Variants in PARD3 observed in about 807,000 individuals in gnomAD.
The protein encoded by PARD3 is par-3 family cell polarity regulator, also known as partitioning defective 3 homolog.
In PARD3, 75 loss-of-function variants were observed where a neutral mutation model predicts 155.4. The observed-to-expected ratio is 0.48, with a 90% CI of 0.40 to 0.58. The LOEUF (loss-of-function observed/expected upper bound fraction) is 0.58. PARD3 is among the 20% of genes least tolerant of loss of function. The probability of loss-of-function intolerance (pLI) is 0.00; values close to 1 mark genes in which losing one functional copy is unlikely to be tolerated. For synonymous variants in PARD3, 576 were observed against 610.5 expected, an observed-to-expected ratio of 0.94 and a Z score of 0.83; for missense variants, 1,642 against 1,721.7, an observed-to-expected ratio of 0.95 and a Z score of 0.82.
At chr10:34,615,087 A>G (rs2091164502) in intron 2 of PARD3, among the ~76,000 whole-genome samples, 1 of 152,158 alleles carries the variant, frequency 6.6e-6, no homozygotes, top group South Asian at 2.1e-4. Context: ...AGGCTGAGGC[A>G]GGAGAATGGC....
intron 19 of PARD3, among the ~76,000 whole-genome samples, chr10:34,317,698 A>G (rs1216234333): frequency 6.6e-6 from 1 of 152,206 alleles, no homozygotes; most frequent in Non-Finnish European, 1.5e-5. Context: ...CTATATTTGC[A>G]AGATGAAAAG....
intron 4 of PARD3, among the ~76,000 whole-genome samples, chr10:34,464,836 C>G (rs1016089363): frequency 7.2e-5 from 11 of 152,152 alleles, no homozygotes; most frequent in South Asian, 2.1e-4. Context: ...GAGCCATGCT[C>G]CACAGAAGTC....
At chr10:34,383,351 T>C (rs186036074) in intron 8 of PARD3, among the ~76,000 whole-genome samples, 65 of 151,866 alleles carry the variant, frequency 4.3e-4, no homozygotes, top group African/African-American at 1.5e-3. Flanking sequence ...ATATTTAGAA[T>C]ATTGGATTGG....
chr10:34,424,957 T>C (rs924616302), intron 5 of PARD3, among the ~76,000 whole-genome samples: 1 of 152,214 alleles, frequency 6.6e-6, no homozygotes, highest in Non-Finnish European at 1.5e-5. Context: ...TTCCACATTT[T>C]ATACCTCCCA....
chr10:34,611,106 G>C (rs899168399), intron 2 of PARD3, among the ~76,000 whole-genome samples: 5 of 152,120 alleles, frequency 3.3e-5, no homozygotes, highest in African/African-American at 1.2e-4. Flanking sequence ...TCCAAACTCA[G>C]TCCCAAAAAT....
intron 2 of PARD3, among the ~76,000 whole-genome samples, chr10:34,574,545 C>T (rs1442622452): frequency 6.6e-6 from 1 of 152,164 alleles, no homozygotes; most frequent in African/African-American, 2.4e-5. Flanking sequence ...AAATAGTGAC[C>T]CATCCCAGTG....
In PARD3 at chr10:34,470,077, G is replaced by C; in HGVS notation, c.582+8C>G. 6.3e-7 allele frequency: 1 copy of C among 1,589,140 alleles called. No homozygotes were observed. Among genetic ancestry groups the C allele is most frequent in the Non-Finnish European group, 8.6e-7 (1 of 1,166,816 alleles). ...AAGAGACAGCAGCAAACAAGCAGAG[G>C]TGGTTACCTTCCTGTCGCAGGTTTT... On this transcript the variant is annotated splice_region_variant and intron_variant, in intron 4 of 24. Coordinates refer to ENST00000374788, the MANE Select transcript of PARD3 (RefSeq NM_001184785.2).
intron 22 of PARD3, among the ~76,000 whole-genome samples, chr10:34,164,815 T>TAC (rs567675427): frequency 0.071 from 10,855 of 152,106 alleles, 992 homozygotes; most frequent in East Asian, 0.3. Flanking sequence ...TACACACATA[T>TAC]ACAATTATTT....
intron 3 of PARD3, among the ~76,000 whole-genome samples, chr10:34,477,313 A>G (rs573547514): frequency 6.6e-6 from 1 of 152,354 alleles, no homozygotes; most frequent in Admixed American, 6.5e-5. Context: ...TTTTCAAAGT[A>G]TATCCTCTGA....
chr10:34,811,435 T>C (rs911739342), intron 1 of PARD3, among the ~76,000 whole-genome samples: 8 of 152,158 alleles, frequency 5.3e-5, no homozygotes, highest in African/African-American at 1.9e-4. Flanking sequence ...CCAGAGCCCA[T>C]CTGCCCCTGC....
intron 22 of PARD3, among the ~76,000 whole-genome samples, chr10:34,247,207 A>G (rs1338414655): frequency 6.6e-6 from 1 of 152,218 alleles, no homozygotes; most frequent in African/African-American, 2.4e-5. Context: ...AAATCAATCA[A>G]TAGAAACAGA....
At chr10:34,178,860 C>T (rs749228770) in intron 22 of PARD3, among the ~76,000 whole-genome samples, 7 of 152,166 alleles carry the variant, frequency 4.6e-5, no homozygotes, top group Non-Finnish European at 1.0e-4. Context: ...TCATAACTGC[C>T]TTACCAGTGA....
At chr10:34,708,626 C>T (rs2094404002) in intron 1 of PARD3, among the ~76,000 whole-genome samples, 1 of 152,068 alleles carries the variant, frequency 6.6e-6, no homozygotes, top group East Asian at 1.9e-4. Context: ...ATGTAAACAA[C>T]TGGTGAATCT....
At chr10:34,236,740 A>G (rs577680965) in intron 22 of PARD3, among the ~76,000 whole-genome samples, 2 of 152,334 alleles carry the variant, frequency 1.3e-5, no homozygotes, top group Admixed American at 6.5e-5. Flanking sequence ...GTGGGATTCA[A>G]TAAGAAATAA....
In PARD3 at chr10:34,669,473, T is replaced by C. The variant is rs544480617; in HGVS notation, c.222+26845A>G. ...CAGGAGGATGGGAGGGGGTGAAGGA[T>C]GGGAAAGTACTTAATGGGTACAGCA... On this transcript the variant is annotated intron_variant, in intron 2 of 24. Transcript: ENST00000374788. Among the ~76,000 whole-genome samples, 18 of 152,070 alleles carry C rather than the reference T, an allele frequency of 1.2e-4. No individual in the cohort carries two copies. The South Asian group carries it at 3.1e-3, about 26-fold the overall frequency.
At chr10:34,777,269 CCCT>C (rs1170299268) in intron 1 of PARD3, among the ~76,000 whole-genome samples, 1 of 152,108 alleles carries the variant, frequency 6.6e-6, no homozygotes, top group African/African-American at 2.4e-5. Flanking sequence ...CAAGCCCCTT[CCCT>C]CCACCATCCC....
intron 2 of PARD3, among the ~76,000 whole-genome samples, chr10:34,692,743 G>A (rs1157450945): frequency 1.3e-5 from 2 of 152,062 alleles, no homozygotes; most frequent in Non-Finnish European, 2.9e-5. Context: ...GCATGGTGGC[G>A]GGCACCTGTA....
intron 1 of PARD3, among the ~76,000 whole-genome samples, chr10:34,809,600 G>GTA: frequency 6.6e-6 from 1 of 152,320 alleles, no homozygotes; most frequent in East Asian, 1.9e-4. Flanking sequence ...GCAGCAAAGT[G>GTA]TATGTGAGTC....
At chr10:34,548,894 A>C (rs2084320674) in intron 2 of PARD3, among the ~76,000 whole-genome samples, 1 of 152,234 alleles carries the variant, frequency 6.6e-6, no homozygotes. Context: ...TCCACTTTCA[A>C]CTACTTGGAC....
Sources: allele counts gnomAD v4.1 joint callset (sites outside exome capture counted in the v4.1 genomes callset), GRCh38; gene constraint gnomAD v4.1.1; transcripts MANE v1.5; gene names NCBI Gene and HGNC (gene_info 2026-07-23, HGNC 2026-07-21).